The following PRDM7 variants were observed in gnomAD, a reference collection of about 807,000 sequenced individuals.
PRDM7 encodes the protein PR/SET domain 7.
A neutral mutation model predicts 64.3 loss-of-function variants in PRDM7; 52 were observed. The ratio of observed to expected loss-of-function variants is 0.81; its 90% CI spans 0.65 to 1.02. The LOEUF (loss-of-function observed/expected upper bound fraction) is 1.02. Among genes scored for constraint, PRDM7 ranks in the 50% least tolerant of loss-of-function variants. PRDM7 has a pLI of 0.00. For synonymous variants in PRDM7, 192 were observed against 210.1 expected (o/e 0.91, Z 0.74); for missense variants, 574 against 597.1 (o/e 0.96, Z 0.40).
chr16:90,071,162 C>T (rs1221486159), intron 4 of PRDM7, among the ~76,000 whole-genome samples: 2 of 152,126 alleles, frequency 1.3e-5, no homozygotes, highest in Non-Finnish European at 2.9e-5. Flanking sequence ...GATGGAGTCT[C>T]GTTCTGTTGC....
In PRDM7 at chr16:90,075,602, T is replaced by G; in HGVS notation, c.70-128A>C. 10 of 1,498,668 alleles carry G rather than the reference T, an allele frequency of 6.7e-6. No homozygotes were observed. The highest frequency in any genetic ancestry group is 9.3e-6 in the Non-Finnish European group (10 of 1,079,172). 92.8% of individuals were successfully genotyped at this position (1,498,668 alleles called of 1,614,324 possible). ...CTCTGTGAAACATAAAGACCTTCCCTCCTTCTCCAGATTGTGTCCTGTTTA... is the reference window on the plus strand; with the variant it reads ...CTCTGTGAAACATAAAGACCTTCCCGCCTTCTCCAGATTGTGTCCTGTTTA... On this transcript the variant is annotated intron_variant, in intron 2 of 10. Transcript: ENST00000449207. The surrounding 1 kb of genome is among the most constrained non-coding windows in gnomAD (Gnocchi z 4.3).
chr16:90,058,779 C>G lies in PRDM7; in HGVS notation c.1234-245G>C, dbSNP rs547267416. On this transcript the variant is annotated intron_variant, in intron 10 of 10. Transcript: ENST00000449207. ...ACGTATCAGCCAGACTCTGGGTAAC[C>G]TCAAGCAGCATCAGGGGCAGCATCA... Among the ~76,000 whole-genome samples the G allele has an allele frequency of 1.8e-4, 28 of 152,194 alleles. No homozygotes were observed. In the East Asian group the frequency reaches 4.8e-3, roughly 26 times the overall value.
intron 5 of PRDM7, among the ~76,000 whole-genome samples, chr16:90,064,920 T>C (rs2037846831): frequency 6.7e-6 from 1 of 149,672 alleles, no homozygotes; most frequent in Non-Finnish European, 1.5e-5. Flanking sequence ...GGTTTCACCA[T>C]GTTGGCCAAG....
intron 9 of PRDM7, 126 bp downstream of exon 9, chr16:90,061,326 T>C (rs2037772571): frequency 2.1e-6 from 2 of 935,726 alleles, no homozygotes; most frequent in Non-Finnish European, 3.3e-6. Flanking sequence ...TAAAACAGCA[T>C]TGTATGGAGA....
At position 90,075,554 on chromosome 16, in the gene PRDM7, C is replaced by T. The variant is rs1597695615; in HGVS notation, c.70-80G>A. ...CTTTTCCTCTACCCTGCGTGTAGGG[C>T]ATAGCCTGGGGCCTCTGGGAGTCTC... is the stretch of plus-strand genomic sequence containing the variant. On this transcript the variant is annotated intron_variant, in intron 2 of 10. Transcript: ENST00000449207. This position sits in a 1 kb window ranked among gnomAD's most constrained non-coding sequence, Gnocchi z 4.3. The T allele has an allele frequency of 1.2e-6, 2 of 1,606,138 alleles. No individual in the cohort carries two copies. Among genetic ancestry groups the T allele is most frequent in the Non-Finnish European group, 8.5e-7 (1 of 1,173,222 alleles).
At chr16:90,065,692 G>A (rs930883949) in intron 5 of PRDM7, among the ~76,000 whole-genome samples, 1 of 151,352 alleles carries the variant, frequency 6.6e-6, no homozygotes, top group Admixed American at 6.6e-5. Context: ...CCGAGATTGA[G>A]CCATTGCACT....
chr16:90,057,303 AG>A lies in PRDM7; in HGVS notation c.*985del, dbSNP rs1452822964. ...AAGAGGTCACACTTCCCAGGAGACC[AG>A]GGAGCTCTCTTTCCTGCTGCGACTC... On this transcript the variant is annotated 3_prime_UTR_variant, in exon 11 of 11. Coordinates refer to ENST00000449207, the MANE Select transcript of PRDM7 (RefSeq NM_001098173.2). The A allele has an allele frequency of 6.5e-6, 1 of 154,060 alleles. No individual in the cohort carries two copies. Among genetic ancestry groups the A allele is most frequent in the African/African-American group, 2.4e-5 (1 of 41,412 alleles). The allele number at this position is 154,060 out of a possible 1,614,324, so 9.5% of individuals were successfully genotyped here.
chr16:90,057,595 G>C lies in PRDM7; in HGVS notation c.*694C>G, dbSNP rs577629226. On this transcript the variant is annotated 3_prime_UTR_variant, in exon 11 of 11. Transcript: ENST00000449207. ...CAAAAAATGGAGGGGATCAGTGCGG[G>C]AAACAACCACACATGTTGACGTCCC... 1 of 729,892 alleles carries C rather than the reference G, an allele frequency of 1.4e-6. No individual in the cohort carries two copies. The highest frequency in any genetic ancestry group is 2.4e-5 in the South Asian group (1 of 41,870). The allele number at this position is 729,892 out of a possible 1,614,324, so 45.2% of individuals were successfully genotyped here. A position where few individuals can be genotyped will look rare whatever the true frequency, so the allele number is the denominator to read the frequency against.
chr16:90,071,607 T>C (rs1332500444), intron 4 of PRDM7, among the ~76,000 whole-genome samples: 1 of 45,118 alleles, frequency 2.2e-5, no homozygotes, highest in Non-Finnish European at 7.5e-5. Context: ...CTCATCCTTT[T>C]CATCGGAACC....
intron 9 of PRDM7, 98 bp downstream of exon 9, chr16:90,061,354 T>C (rs2037773308): frequency 8.2e-7 from 1 of 1,222,152 alleles, no homozygotes; most frequent in Non-Finnish European, 1.2e-6. Context: ...AAATAGGGGA[T>C]GTGAAAATCA....
Position 90,066,925 on chromosome 16 carries a change from G to C in PRDM7, c.302-15C>G. ...AGGAGGTTTGACTAAGAGGTGATGA[G>C]AAATCAGTGGTTTGGTTGGTAAATG... On this transcript the variant is annotated splice_polypyrimidine_tract_variant and intron_variant, in intron 4 of 10. Transcript: ENST00000449207. 6.3e-7 allele frequency: 1 copy of C among 1,582,636 alleles called. No homozygotes were observed. The highest frequency in any genetic ancestry group is 1.1e-5 in the South Asian group (1 of 90,606).
At chr16:90,065,367 T>C (rs1338988012) in intron 5 of PRDM7, among the ~76,000 whole-genome samples, 1 of 122,102 alleles carries the variant, frequency 8.2e-6, no homozygotes, top group African/African-American at 3.4e-5. Context: ...CACTCCAGCC[T>C]GGGTAACAAG....
chr16:90,060,174 C>T lies in PRDM7; in HGVS notation c.1233+167G>A, dbSNP rs1194181772. Among the ~76,000 whole-genome samples the T allele has an allele frequency of 5.3e-5, 8 of 152,074 alleles. No individual in the cohort carries two copies. The South Asian group carries it at 1.0e-3, about 20-fold the overall frequency. On this transcript the variant is annotated intron_variant, in intron 10 of 10. Transcript: ENST00000449207. The stretch of plus-strand genomic sequence containing the variant: ...AGATTTAAAAATATAAAAACTGTTC[C>T]AAAGAGGCAAAGGCATATAACATGA...
intron 5 of PRDM7, among the ~76,000 whole-genome samples, chr16:90,065,911 G>T (rs2037866534): frequency 6.6e-6 from 1 of 151,176 alleles, no homozygotes; most frequent in African/African-American, 2.5e-5. Flanking sequence ...GAGGCTCTCA[G>T]AGGCCCTGAG....
chr16:90,067,880 G>A (rs1435139762), intron 4 of PRDM7, among the ~76,000 whole-genome samples: 5 of 151,050 alleles, frequency 3.3e-5, no homozygotes, highest in African/African-American at 4.9e-5. Context: ...GTGAGCCACC[G>A]CGCCCAGCCG....
chr16:90,059,552 C>T (rs1307948241), intron 10 of PRDM7, among the ~76,000 whole-genome samples: 1 of 152,226 alleles, frequency 6.6e-6, no homozygotes, highest in African/African-American at 2.4e-5. Flanking sequence ...ACTAGCTGCG[C>T]CCTGTGCCTG....
intron 5 of PRDM7, 38 bp from the exon 6 acceptor site, chr16:90,063,806 A>G: frequency 6.2e-7 from 1 of 1,610,252 alleles, no homozygotes; most frequent in Non-Finnish European, 8.5e-7. Flanking sequence ...GACAACGTGC[A>G]TTTATTTAGT....
Position 90,074,479 on chromosome 16 carries a change from A to C in PRDM7, c.301+437T>G, listed in dbSNP as rs540852715. 5.9e-5 allele frequency among the ~76,000 whole-genome samples: 9 copies of C among 151,926 alleles called. No homozygotes were observed. The South Asian group carries it at 1.7e-3, about 28-fold the overall frequency. ...GCAGTCCCAGCTACTCGAGAAGCTG[A>C]GGTGGGAGAATTGTTGAACCTGGGA... is the stretch of plus-strand genomic sequence containing the variant. On this transcript the variant is annotated intron_variant, in intron 4 of 10. Transcript: ENST00000449207.
At chr16:90,076,809 CTCAT>C (rs1447772970) in intron 1 of PRDM7, among the ~76,000 whole-genome samples, 2 of 151,892 alleles carry the variant, frequency 1.3e-5, no homozygotes, top group African/African-American at 2.4e-5. Context: ...ATTTGGGTCT[CTCAT>C]TAATGGGTTT....
Sources: allele counts gnomAD v4.1 joint callset (sites outside exome capture counted in the v4.1 genomes callset), GRCh38; gene constraint gnomAD v4.1.1; non-coding constraint Gnocchi (gnomAD v3.1); transcripts MANE v1.5; gene names NCBI Gene and HGNC (gene_info 2026-07-23, HGNC 2026-07-21).